FOXK1: variants seen among roughly 807,000 people sequenced by gnomAD.
The protein encoded by FOXK1 is forkhead box K1, also known as forkhead box protein K1.
In FOXK1, 19 loss-of-function variants were observed where a neutral mutation model predicts 51.9. That is an observed-to-expected ratio of 0.37 (90% CI 0.26 to 0.54). The LOEUF (loss-of-function observed/expected upper bound fraction) is 0.54, where lower values mean the gene tolerates loss of function less well. Among genes scored for constraint, FOXK1 ranks in the 20% least tolerant of loss-of-function variants. The pLI is 0.87. For missense variants in FOXK1, 870 were observed against 1,032.7 expected (o/e 0.84, Z 2.16); for synonymous variants, 537 against 482.6 (o/e 1.11, Z -1.48).
Position 4,715,536 on chromosome 7 carries a change from A to C in FOXK1, c.561-25302A>C, listed in dbSNP as rs565809529. 8.5e-5 allele frequency among the ~76,000 whole-genome samples: 13 copies of C among 152,344 alleles called. No homozygotes were observed. In the South Asian group the frequency reaches 2.5e-3, roughly 29 times the overall value. Reference sequence around the variant, plus strand: ...TCTGAGAAGCTCTTCATCTATCAGCAGTCAGCTTTCCACTTAAGCAGAGCC... The same window carrying C: ...TCTGAGAAGCTCTTCATCTATCAGCCGTCAGCTTTCCACTTAAGCAGAGCC... On this transcript the variant is annotated intron_variant, in intron 1 of 8. Transcript: ENST00000328914. The surrounding 1 kb of genome is among the most constrained non-coding windows in gnomAD (Gnocchi z 4.5).
chr7:4,690,292 G>A (rs1029470682), intron 1 of FOXK1, among the ~76,000 whole-genome samples: 1 of 152,234 alleles, frequency 6.6e-6, no homozygotes, highest in Non-Finnish European at 1.5e-5. Flanking sequence ...CGCGGAACGG[G>A]GTGAAGCTTT....
chr7:4,683,829 C>G lies in FOXK1; in HGVS notation c.560+961C>G, dbSNP rs925634094. 6.6e-6 allele frequency among the ~76,000 whole-genome samples: 1 copy of G among 152,178 alleles called. No homozygotes were observed. Among genetic ancestry groups the G allele is most frequent in the African/African-American group, 2.4e-5 (1 of 41,454 alleles). On this transcript the variant is annotated intron_variant, in intron 1 of 8. Coordinates refer to ENST00000328914, the MANE Select transcript of FOXK1 (RefSeq NM_001037165.2). This position sits in a 1 kb window ranked among gnomAD's most constrained non-coding sequence, Gnocchi z 4.5. ...TGGGAGGGTGTTGCTCCGGGAAGTG[C>G]GAGGTCCCTAGGAGTGTGGGCTGTG... is the stretch of plus-strand genomic sequence containing the variant.
chr7:4,754,354 C>A lies in FOXK1; in HGVS notation c.747-105C>A. Reference sequence around the variant, plus strand: ...GGCACTTAAAATTGGAAAGTGTGAGCTTCTTCCCCACAGCCCCACCCTCTG... The same window carrying A: ...GGCACTTAAAATTGGAAAGTGTGAGATTCTTCCCCACAGCCCCACCCTCTG... On this transcript the variant is annotated intron_variant, in intron 2 of 8. Transcript: ENST00000328914. 6.0e-6 allele frequency: 8 copies of A among 1,327,876 alleles called. No individual in the cohort carries two copies. In the South Asian group the frequency reaches 8.1e-5, roughly 13 times the overall value. The allele number at this position is 1,327,876 out of a possible 1,614,324, so 82.3% of individuals were successfully genotyped here.
At chr7:4,738,900 G>A (rs906107631) in intron 1 of FOXK1, among the ~76,000 whole-genome samples, 5 of 152,162 alleles carry the variant, frequency 3.3e-5, no homozygotes, top group Admixed American at 6.5e-5. Context: ...ACCTATGGGA[G>A]GAGCCGCACA....
chr7:4,768,285 A>G lies in FOXK1; in HGVS notation c.*5821A>G, dbSNP rs1781045656. On this transcript the variant is annotated 3_prime_UTR_variant, in exon 9 of 9. Transcript: ENST00000328914. ...GTAGCTGGGACTACAGGCGCCCGCT[A>G]CCACGCCCGGCTAATTTTTTGTATT... 6.9e-6 allele frequency: 1 copy of G among 145,788 alleles called. No individual in the cohort carries two copies. Among genetic ancestry groups the G allele is most frequent in the Non-Finnish European group, 1.5e-5 (1 of 67,416 alleles). 9.0% of individuals were successfully genotyped at this position (145,788 alleles called of 1,614,324 possible).
intron 2 of FOXK1, 87 bp downstream of exon 2, chr7:4,741,110 A>T: frequency 1.0e-6 from 1 of 970,872 alleles, no homozygotes; most frequent in East Asian, 3.2e-5. Context: ...CCGGGTTCCA[A>T]ATCTCTCTGG....
intron 1 of FOXK1, among the ~76,000 whole-genome samples, chr7:4,710,734 G>A (rs983423077): frequency 2.0e-5 from 3 of 152,132 alleles, no homozygotes; most frequent in Non-Finnish European, 4.4e-5. Flanking sequence ...GTGCGGTGGT[G>A]GCTCTGCAGC....
chr7:4,704,835 T>A (rs572939291), intron 1 of FOXK1, among the ~76,000 whole-genome samples: 3 of 105,038 alleles, frequency 2.9e-5, no homozygotes, highest in African/African-American at 1.6e-4. Context: ...TGTTTCATTC[T>A]TTTTTTTTTT....
intron 1 of FOXK1, among the ~76,000 whole-genome samples, chr7:4,720,985 C>T (rs1296123583): frequency 1.3e-5 from 2 of 151,884 alleles, no homozygotes; most frequent in Admixed American, 6.6e-5. Context: ...TTATGTGATC[C>T]GCCCACCTCG....
Position 4,747,972 on chromosome 7 carries a change from T to G in FOXK1, c.747-6487T>G, listed in dbSNP as rs188277462. On this transcript the variant is annotated intron_variant, in intron 2 of 8. Transcript: ENST00000328914. This position sits in a 1 kb window ranked among gnomAD's most constrained non-coding sequence, Gnocchi z 9.2. ...GCGATCCTCCCACCTCAGCCGTGAC[T>G]ACAGGAGCAATCCACTAGTTAATTT... is the stretch of plus-strand genomic sequence containing the variant. Among the ~76,000 whole-genome samples, 312 of 152,278 alleles carry G rather than the reference T, an allele frequency of 2.0e-3. 7 individuals are homozygous for G. The highest frequency in any genetic ancestry group is 8.1e-3 in the East Asian group (42 of 5,190).
rs931357791 is a variant in FOXK1, at chr7:4,703,147, CAG to C, written c.560+20280_560+20281del. Among the ~76,000 whole-genome samples, 6 of 152,122 alleles carry C rather than the reference CAG, an allele frequency of 3.9e-5. No homozygotes were observed. The highest frequency in any genetic ancestry group is 7.2e-5 in the African/African-American group (3 of 41,420). ...GCTGGACTGGGAAGACTGGCTCTCT[CAG>C]GGGATTCCAGGGCAGGCGGCTGGGA... On this transcript the variant is annotated intron_variant, in intron 1 of 8. Coordinates refer to ENST00000328914, the MANE Select transcript of FOXK1 (RefSeq NM_001037165.2). The surrounding 1 kb of genome is among the most constrained non-coding windows in gnomAD (Gnocchi z 5.6).
At chr7:4,700,224 G>C (rs930781406) in intron 1 of FOXK1, among the ~76,000 whole-genome samples, 1 of 152,138 alleles carries the variant, frequency 6.6e-6, no homozygotes, top group African/African-American at 2.4e-5. Context: ...CGTTTTTCTT[G>C]TTTATTGCAT....
At chr7:4,724,320 C>T (rs1346014233) in intron 1 of FOXK1, among the ~76,000 whole-genome samples, 1 of 152,158 alleles carries the variant, frequency 6.6e-6, no homozygotes, top group Non-Finnish European at 1.5e-5. Flanking sequence ...CTCAACCTCT[C>T]GGGTAGCTGG....
At position 4,758,939 on chromosome 7, in the gene FOXK1, G is replaced by T; in HGVS notation, c.1245-112G>T. The T allele has an allele frequency of 8.6e-7, 1 of 1,168,252 alleles. No individual in the cohort carries two copies. Among genetic ancestry groups the T allele is most frequent in the East Asian group, 2.5e-5 (1 of 40,558 alleles). The allele number at this position is 1,168,252 out of a possible 1,614,324, so 72.4% of individuals were successfully genotyped here. On this transcript the variant is annotated intron_variant, in intron 5 of 8. Transcript: ENST00000328914. The surrounding 1 kb of genome is among the most constrained non-coding windows in gnomAD (Gnocchi z 4.4). ...CCGTCTGAATGCGGAGGACAGAGACGAGCTCCAGGGAGCGTGGGCGGGTGA... is the reference window on the plus strand; with the variant it reads ...CCGTCTGAATGCGGAGGACAGAGACTAGCTCCAGGGAGCGTGGGCGGGTGA...
chr7:4,761,038 G>T lies in FOXK1; in HGVS notation c.1697-26G>T. Reference sequence around the variant, plus strand: ...TCGATTGTCTCGTTGGCCGAGTGTGGTGCTGACTTGGTTCCTGTCCCGCAG... The same window carrying T: ...TCGATTGTCTCGTTGGCCGAGTGTGTTGCTGACTTGGTTCCTGTCCCGCAG... On this transcript the variant is annotated intron_variant, in intron 7 of 8. Transcript: ENST00000328914. The surrounding 1 kb of genome is among the most constrained non-coding windows in gnomAD (Gnocchi z 6.2). 1 of 1,598,152 alleles carries T rather than the reference G, an allele frequency of 6.3e-7. No homozygotes were observed. Among genetic ancestry groups the T allele is most frequent in the Non-Finnish European group, 8.6e-7 (1 of 1,167,522 alleles).
chr7:4,697,316 A>G (rs1562369643), intron 1 of FOXK1, among the ~76,000 whole-genome samples: 1 of 152,238 alleles, frequency 6.6e-6, no homozygotes, highest in South Asian at 2.1e-4. Flanking sequence ...AGAAGATGAC[A>G]GTGGCCTGCT....
chr7:4,705,971 T>TATACGTATATAC (rs1780088097), intron 1 of FOXK1, among the ~76,000 whole-genome samples: 5 of 76,468 alleles, frequency 6.5e-5, no homozygotes, highest in African/African-American at 1.7e-4. Context: ...TATATATATA[T>TATACGTATATAC]ACGTATATAT....
chr7:4,751,702 A>C lies in FOXK1; in HGVS notation c.747-2757A>C, dbSNP rs180744006. The stretch of plus-strand genomic sequence containing the variant: ...GGCTGCTCCGAGGGCTGGAGGAGCC[A>C]TGTGAACAAACACATGTGGTCCCTC... On this transcript the variant is annotated intron_variant, in intron 2 of 8. Transcript: ENST00000328914. Among the ~76,000 whole-genome samples, 543 of 152,358 alleles carry C rather than the reference A, an allele frequency of 3.6e-3. 5 individuals carry two copies. Among genetic ancestry groups the C allele is most frequent in the African/African-American group, 0.012 (506 of 41,590 alleles).
chr7:4,714,309 C>T (rs1371357934), intron 1 of FOXK1, among the ~76,000 whole-genome samples: 4 of 151,770 alleles, frequency 2.6e-5, no homozygotes, highest in African/African-American at 7.3e-5. Context: ...GAGACAGTCT[C>T]GCTGTGTCAC....
Sources: gnomAD v4.1 joint callset for allele counts (sites outside exome capture counted in the v4.1 genomes callset) on GRCh38, gnomAD v4.1.1 for gene constraint, Gnocchi (gnomAD v3.1) non-coding constraint, MANE v1.5 for transcripts, NCBI Gene and HGNC (gene_info 2026-07-23, HGNC 2026-07-21) for gene names.